Variants in PPM1E observed in about 807,000 individuals in gnomAD.
The protein encoded by PPM1E is protein phosphatase, Mg2+/Mn2+ dependent 1E.
A neutral mutation model predicts 65.9 loss-of-function variants in PPM1E; 20 were observed. The observed-to-expected ratio is 0.30, with a 90% CI of 0.21 to 0.44. The LOEUF is 0.44. PPM1E is among the 20% of genes least tolerant of loss of function. PPM1E has a pLI of 1.00. For synonymous variants in PPM1E, 352 were observed against 374.9 expected, an observed-to-expected ratio of 0.94 and a Z score of 0.70; for missense variants, 713 against 953.1, an observed-to-expected ratio of 0.75 and a Z score of 3.32.
intron 1 of PPM1E, among the ~76,000 whole-genome samples, chr17:58,833,451 C>T (rs551937233): frequency 2.7e-4 from 41 of 151,710 alleles, no homozygotes; most frequent in African/African-American, 9.9e-4. Context: ...CCATGTTTAG[C>T]TCCCACTTAT....
At chr17:58,821,581 T>G (rs553013628) in intron 1 of PPM1E, among the ~76,000 whole-genome samples, 4 of 152,136 alleles carry the variant, frequency 2.6e-5, no homozygotes, top group African/African-American at 7.2e-5. Context: ...ACACTCTGGG[T>G]GTTTAAGTTA....
chr17:58,855,611 A>G (rs2050874176), intron 1 of PPM1E, among the ~76,000 whole-genome samples: 1 of 152,230 alleles, frequency 6.6e-6, no homozygotes, highest in Non-Finnish European at 1.5e-5. Flanking sequence ...TAGATATGGC[A>G]GGGATGTTGG....
At chr17:58,977,018 A>C (rs531321889) in intron 6 of PPM1E, among the ~76,000 whole-genome samples, 2 of 152,250 alleles carry the variant, frequency 1.3e-5, no homozygotes, top group African/African-American at 4.8e-5. Flanking sequence ...TATCTTTTAA[A>C]TTTTTGCATT....
chr17:58,831,384 A>G (rs1251901324), intron 1 of PPM1E, among the ~76,000 whole-genome samples: 1 of 152,168 alleles, frequency 6.6e-6, no homozygotes, highest in East Asian at 1.9e-4. Flanking sequence ...ACACTTGTTT[A>G]TATGTAACTT....
chr17:58,806,428 T>TAA (rs532625892), intron 1 of PPM1E, among the ~76,000 whole-genome samples: 2 of 146,612 alleles, frequency 1.4e-5, no homozygotes, highest in African/African-American at 2.5e-5. Flanking sequence ...TAATAAATGG[T>TAA]AAAAAAAAAA....
In PPM1E at chr17:58,982,985, C is replaced by T. The variant is rs769100761; in HGVS notation, c.*1954C>T. ...ACACATTATAGTCCAAAGTGCTTAG[C>T]GAAGTAAAAAAAAAAGCTTTTTAAA... is the stretch of plus-strand genomic sequence containing the variant. On this transcript the variant is annotated 3_prime_UTR_variant, in exon 7 of 7. Transcript: ENST00000308249. 5.5e-5 allele frequency: 78 copies of T among 1,415,768 alleles called. No homozygotes were observed. The highest frequency in any genetic ancestry group is 7.0e-5 in the Non-Finnish European group (73 of 1,039,314). 87.7% of individuals were successfully genotyped at this position (1,415,768 alleles called of 1,614,324 possible).
rs986594666 is a variant in PPM1E at position 58,812,560 on chromosome 17, TTTTA to T, written c.464+56111_464+56114del. Among the ~76,000 whole-genome samples, 18 of 152,182 alleles carry T rather than the reference TTTTA, an allele frequency of 1.2e-4. No individual in the cohort carries two copies. The South Asian group carries it at 1.5e-3, about 12-fold the overall frequency. ...ACCATGAATAGCACACACTGTTTTA[TTTTA>T]TTTATTTATTTTTTTGAGATGGAGT... is the stretch of plus-strand genomic sequence containing the variant. On this transcript the variant is annotated intron_variant, in intron 1 of 6. Coordinates refer to ENST00000308249, the MANE Select transcript of PPM1E (RefSeq NM_014906.5).
intron 1 of PPM1E, among the ~76,000 whole-genome samples, chr17:58,946,147 C>T (rs2052147463): frequency 6.6e-6 from 1 of 151,930 alleles, no homozygotes; most frequent in Admixed American, 6.6e-5. Context: ...CACTCATAGA[C>T]TATACAGGAA....
At chr17:58,770,160 A>G (rs1436435419) in intron 1 of PPM1E, among the ~76,000 whole-genome samples, 3 of 152,188 alleles carry the variant, frequency 2.0e-5, no homozygotes, top group African/African-American at 7.2e-5. Flanking sequence ...TTTTGGAATC[A>G]TCATTGCAAA....
At chr17:58,958,479 TG>T (rs2029921015) in intron 2 of PPM1E, among the ~76,000 whole-genome samples, 1 of 152,032 alleles carries the variant, frequency 6.6e-6, no homozygotes, top group African/African-American at 2.4e-5. Context: ...CTAAAAGTGC[TG>T]GGTTTATGGT....
At chr17:58,807,895 G>A (rs2050330342) in intron 1 of PPM1E, among the ~76,000 whole-genome samples, 1 of 152,196 alleles carries the variant, frequency 6.6e-6, no homozygotes, top group African/African-American at 2.4e-5. Context: ...ATCATCCCAG[G>A]TAGGCAAAAT....
chr17:58,793,932 C>T (rs945971758), intron 1 of PPM1E, among the ~76,000 whole-genome samples: 4 of 152,068 alleles, frequency 2.6e-5, no homozygotes, highest in African/African-American at 9.7e-5. Context: ...CAACCTCTGT[C>T]TCCTGGGTTC....
chr17:58,961,617 G>A (rs1409659819), intron 2 of PPM1E, among the ~76,000 whole-genome samples: 1 of 152,072 alleles, frequency 6.6e-6, no homozygotes, highest in Non-Finnish European at 1.5e-5. Flanking sequence ...CAATGTTAGA[G>A]GAAACTGATA....
At chr17:58,815,469 A>G (rs1318300263) in intron 1 of PPM1E, among the ~76,000 whole-genome samples, 3 of 152,242 alleles carry the variant, frequency 2.0e-5, no homozygotes, top group African/African-American at 7.2e-5. Flanking sequence ...TTCTTGAAAT[A>G]TAGCTAATAA....
chr17:58,874,100 G>T (rs992384975), intron 1 of PPM1E, among the ~76,000 whole-genome samples: 3 of 152,124 alleles, frequency 2.0e-5, no homozygotes, highest in Non-Finnish European at 2.9e-5. Flanking sequence ...CTAATTGGAG[G>T]TTGTTGGCAT....
chr17:58,825,236 A>T (rs897706113), intron 1 of PPM1E, among the ~76,000 whole-genome samples: 2 of 147,546 alleles, frequency 1.4e-5, no homozygotes, highest in South Asian at 4.2e-4. Flanking sequence ...ACACACACAC[A>T]CACACACACA....
chr17:58,846,648 G>C (rs146148297), intron 1 of PPM1E, among the ~76,000 whole-genome samples: 1 of 152,000 alleles, frequency 6.6e-6, no homozygotes, highest in African/African-American at 2.4e-5. Context: ...TATGTGCCAC[G>C]TTTTCTTAAT....
At chr17:58,833,287 A>G (rs1294407056) in intron 1 of PPM1E, among the ~76,000 whole-genome samples, 3 of 150,256 alleles carry the variant, frequency 2.0e-5, no homozygotes, top group African/African-American at 2.5e-5. Flanking sequence ...TCTGTTTTCC[A>G]TTACCATACT....
At chr17:58,827,152 T>C (rs1317672953) in intron 1 of PPM1E, among the ~76,000 whole-genome samples, 1 of 149,856 alleles carries the variant, frequency 6.7e-6, no homozygotes, top group Non-Finnish European at 1.5e-5. Flanking sequence ...TTTTTTTTTT[T>C]TTTGAGACAG....
Sources: gnomAD v4.1 joint callset for allele counts (sites outside exome capture counted in the v4.1 genomes callset) on GRCh38, gnomAD v4.1.1 for gene constraint, MANE v1.5 for transcripts, NCBI Gene and HGNC (gene_info 2026-07-23, HGNC 2026-07-21) for gene names.